GRM8: variants seen among roughly 807,000 people sequenced by gnomAD.
The protein encoded by GRM8 is metabotropic glutamate receptor 8.
A neutral mutation model predicts 87.2 loss-of-function variants in GRM8; 47 were observed. The observed-to-expected ratio is 0.54, with a 90% CI of 0.43 to 0.69. The LOEUF is 0.69. GRM8 is among the 30% of genes least tolerant of loss of function. The pLI is 0.00. For missense variants in GRM8, 1,019 were observed against 1,139.2 expected (o/e 0.89, Z 1.52); for synonymous variants, 396 against 404.5 (o/e 0.98, Z 0.25).
chr7:127,177,671 A>G (rs1794194449), intron 2 of GRM8, among the ~76,000 whole-genome samples: 1 of 152,344 alleles, frequency 6.6e-6, no homozygotes, highest in East Asian at 1.9e-4. Context: ...TTCACATCAC[A>G]GGGCTCTGTG....
intron 3 of GRM8, among the ~76,000 whole-genome samples, chr7:126,927,609 TG>T (rs1326025087): frequency 1.3e-5 from 2 of 152,076 alleles, no homozygotes; most frequent in Non-Finnish European, 2.9e-5. Flanking sequence ...AACAAGCATA[TG>T]AAAAAAAGCT....
At chr7:126,731,080 G>T (rs1813532133) in intron 7 of GRM8, among the ~76,000 whole-genome samples, 1 of 152,098 alleles carries the variant, frequency 6.6e-6, no homozygotes, top group African/African-American at 2.4e-5. Flanking sequence ...GAAGACTTTA[G>T]ATGAATTTTT....
intron 3 of GRM8, among the ~76,000 whole-genome samples, chr7:126,959,660 A>G (rs1019779247): frequency 1.3e-5 from 2 of 152,258 alleles, no homozygotes; most frequent in East Asian, 3.9e-4. Flanking sequence ...ATTATTACTT[A>G]ATTATTTGCA....
chr7:127,051,879 C>T (rs773321171), intron 3 of GRM8, among the ~76,000 whole-genome samples: 68 of 150,210 alleles, frequency 4.5e-4, no homozygotes, highest in Non-Finnish European at 3.4e-4. Flanking sequence ...ATCATAAAGG[C>T]ATGCATAAGA....
intron 9 of GRM8, among the ~76,000 whole-genome samples, chr7:126,483,134 A>G (rs1806906979): frequency 6.8e-6 from 1 of 148,048 alleles, no homozygotes; most frequent in African/African-American, 2.4e-5. Context: ...TATAATATAT[A>G]TAATTATAAA....
At chr7:127,098,599 T>G (rs1319848804) in intron 3 of GRM8, among the ~76,000 whole-genome samples, 1 of 152,188 alleles carries the variant, frequency 6.6e-6, no homozygotes, top group African/African-American at 2.4e-5. Context: ...CTATCAAACT[T>G]TTTGGCAACT....
chr7:126,938,732 A>G (rs1806591566), intron 3 of GRM8, among the ~76,000 whole-genome samples: 1 of 152,228 alleles, frequency 6.6e-6, no homozygotes, highest in Non-Finnish European at 1.5e-5. Context: ...TAATAGTAAA[A>G]TATCACTTGA....
chr7:127,171,593 G>A (rs548323226), intron 2 of GRM8, among the ~76,000 whole-genome samples: 114 of 152,282 alleles, frequency 7.5e-4, no homozygotes, highest in Non-Finnish European at 1.3e-3. Flanking sequence ...AGCCTTAGAT[G>A]ATCATTAGCA....
intron 7 of GRM8, among the ~76,000 whole-genome samples, chr7:126,670,506 G>A (rs953014935): frequency 6.6e-6 from 1 of 152,134 alleles, no homozygotes; most frequent in Non-Finnish European, 1.5e-5. Context: ...TGTCAATTGT[G>A]TGTCTAACTG....
At chr7:126,455,217 G>T (rs895869718) in intron 9 of GRM8, among the ~76,000 whole-genome samples, 1 of 151,634 alleles carries the variant, frequency 6.6e-6, no homozygotes, top group Admixed American at 6.6e-5. Context: ...CAGTCACGAA[G>T]AAGTCATTTT....
chr7:127,201,588 G>A (rs923076629), intron 2 of GRM8, among the ~76,000 whole-genome samples: 2 of 152,102 alleles, frequency 1.3e-5, no homozygotes, highest in African/African-American at 4.8e-5. Context: ...CACATACAGG[G>A]GACTATGCTT....
At chr7:126,454,679 G>C (rs556777299) in intron 9 of GRM8, among the ~76,000 whole-genome samples, 244 of 151,564 alleles carry the variant, frequency 1.6e-3, no homozygotes, top group Non-Finnish European at 2.8e-3. Flanking sequence ...GTTACAATCA[G>C]GTCATTTTGG....
intron 9 of GRM8, among the ~76,000 whole-genome samples, chr7:126,529,940 T>C (rs985480782): frequency 1.3e-5 from 2 of 152,216 alleles, no homozygotes; most frequent in South Asian, 2.1e-4. Context: ...CATAATTTAG[T>C]TGAATTCAGC....
intron 8 of GRM8, among the ~76,000 whole-genome samples, chr7:126,549,861 G>A (rs1422458299): frequency 6.6e-6 from 1 of 152,200 alleles, no homozygotes; most frequent in Admixed American, 6.5e-5. Flanking sequence ...TGAAACATGT[G>A]AGAAACCTAC....
chr7:126,841,907 C>T (rs900579387), intron 6 of GRM8, among the ~76,000 whole-genome samples: 36 of 152,094 alleles, frequency 2.4e-4, no homozygotes, highest in African/African-American at 7.0e-4. Context: ...GCTGGGATTA[C>T]AGGCGTGAGC....
intron 2 of GRM8, among the ~76,000 whole-genome samples, chr7:127,117,319 G>A (rs1258615991): frequency 6.6e-6 from 1 of 152,074 alleles, no homozygotes; most frequent in African/African-American, 2.4e-5. Flanking sequence ...TATATTTTCT[G>A]CACCTCTCAA....
intron 3 of GRM8, among the ~76,000 whole-genome samples, chr7:127,051,295 A>C (rs1167258329): frequency 6.6e-6 from 1 of 152,152 alleles, no homozygotes; most frequent in Non-Finnish European, 1.5e-5. Flanking sequence ...ACATGTTAAG[A>C]TTGAGAACCA....
chr7:126,822,111 C>A (rs1794348929), intron 6 of GRM8, among the ~76,000 whole-genome samples: 2 of 152,132 alleles, frequency 1.3e-5, no homozygotes, highest in African/African-American at 4.8e-5. Context: ...ATCAAGAGAT[C>A]ATGATAGCAG....
intron 2 of GRM8, among the ~76,000 whole-genome samples, chr7:127,235,423 C>A (rs1452040384): frequency 6.6e-6 from 1 of 152,212 alleles, no homozygotes; most frequent in Non-Finnish European, 1.5e-5. Flanking sequence ...ATGCTTTCAG[C>A]AATTCACTCA....
Sources: allele counts gnomAD v4.1 joint callset (sites outside exome capture counted in the v4.1 genomes callset), GRCh38; gene constraint gnomAD v4.1.1; transcripts MANE v1.5; gene names NCBI Gene and HGNC (gene_info 2026-07-23, HGNC 2026-07-21).